The following ADRA1B variants were observed in gnomAD, a reference collection of about 807,000 sequenced individuals.
ADRA1B encodes adrenoceptor alpha 1B.
A neutral mutation model predicts 17.9 loss-of-function variants in ADRA1B; 17 were observed. That is an observed-to-expected ratio of 0.95 (90% CI 0.65 to 1.42). The LOEUF (loss-of-function observed/expected upper bound fraction) is 1.42, where lower values mean the gene tolerates loss of function less well. Among genes scored for constraint, ADRA1B ranks in the 40% most tolerant of loss-of-function variants. The pLI, the probability that ADRA1B is intolerant of heterozygous loss-of-function variation, is 0.00. For missense variants in ADRA1B, 681 were observed against 722.1 expected (o/e 0.94, Z 0.65); for synonymous variants, 366 against 327.6 (o/e 1.12, Z -1.27).
the ADRA1B span, among the ~76,000 whole-genome samples, chr5:159,985,323 G>A: frequency 2.0e-5 from 3 of 152,192 alleles, no homozygotes; most frequent in East Asian, 5.8e-4. Flanking sequence ...TTCTTTATGG[G>A]TTATCTCCTC....
intron 1 of ADRA1B, among the ~76,000 whole-genome samples, chr5:159,920,481 G>A (rs1754449374): frequency 6.6e-6 from 1 of 152,098 alleles, no homozygotes; most frequent in African/African-American, 2.4e-5. Context: ...TTGCCACCTT[G>A]ATGCTATCTT....
At chr5:159,966,315 T>G (rs992920658) in intron 1 of ADRA1B, among the ~76,000 whole-genome samples, 49 of 152,282 alleles carry the variant, frequency 3.2e-4, no homozygotes, top group Non-Finnish European at 6.3e-4. Context: ...GGATCCAGAG[T>G]GCTCATAAGG....
At chr5:159,966,541 A>G (rs78459078) in intron 1 of ADRA1B, among the ~76,000 whole-genome samples, 1,650 of 152,290 alleles carry the variant, frequency 0.011, 37 homozygotes, top group African/African-American at 0.036. Flanking sequence ...TCAGGGTGCA[A>G]AGGAGGACAA....
intron 1 of ADRA1B, among the ~76,000 whole-genome samples, chr5:159,941,792 T>C (rs1001004054): frequency 6.6e-6 from 1 of 152,192 alleles, no homozygotes; most frequent in African/African-American, 2.4e-5. Flanking sequence ...AGTTCACATT[T>C]TGTCATATAA....
At chr5:159,910,811 G>T (rs1754219567) in intron 1 of ADRA1B, among the ~76,000 whole-genome samples, 1 of 152,192 alleles carries the variant, frequency 6.6e-6, no homozygotes, top group Non-Finnish European at 1.5e-5. Flanking sequence ...CTGACTTGTG[G>T]CAGTGCAGCC....
chr5:159,924,123 G>A (rs1199811798), intron 1 of ADRA1B, among the ~76,000 whole-genome samples: 2 of 152,206 alleles, frequency 1.3e-5, no homozygotes, highest in Non-Finnish European at 2.9e-5. Context: ...GGCTTATGAC[G>A]AATCAGAAAG....
chr5:159,937,005 CA>C (rs1379928559), intron 1 of ADRA1B, among the ~76,000 whole-genome samples: 4 of 152,184 alleles, frequency 2.6e-5, no homozygotes, highest in Admixed American at 6.5e-5. Context: ...TTATAGATGA[CA>C]AATCCTAGAT....
At chr5:159,980,076 T>C in the ADRA1B span, among the ~76,000 whole-genome samples, 2 of 151,528 alleles carry the variant, frequency 1.3e-5, no homozygotes, top group Non-Finnish European at 1.5e-5. Flanking sequence ...TTTCATGGGG[T>C]CCACTGGGCA....
chr5:159,887,452 A>G (rs1275867132), intron 1 of ADRA1B, among the ~76,000 whole-genome samples: 1 of 152,224 alleles, frequency 6.6e-6, no homozygotes, highest in Non-Finnish European at 1.5e-5. Context: ...AACTATCCTT[A>G]TTCAAATATC....
chr5:159,930,118 T>C (rs1221333656), intron 1 of ADRA1B, among the ~76,000 whole-genome samples: 2 of 152,260 alleles, frequency 1.3e-5, no homozygotes, highest in Non-Finnish European at 2.9e-5. Flanking sequence ...CCTATTTTAC[T>C]TACCAATTTC....
At chr5:159,889,634 A>G (rs1449269249) in intron 1 of ADRA1B, among the ~76,000 whole-genome samples, 2 of 152,158 alleles carry the variant, frequency 1.3e-5, no homozygotes, top group Non-Finnish European at 2.9e-5. Context: ...GAAGGACCAT[A>G]ATGGGGGTCA....
intron 1 of ADRA1B, chr5:159,868,318 A>C (rs1180901924): frequency 6.6e-6 from 1 of 152,222 alleles, no homozygotes. Context: ...TAAGTTTTAT[A>C]GGAGAGTTAC....
intron 1 of ADRA1B, among the ~76,000 whole-genome samples, chr5:159,882,947 A>G (rs1753878213): frequency 6.6e-6 from 1 of 152,212 alleles, no homozygotes; most frequent in African/African-American, 2.4e-5. Context: ...AATGAAGGCC[A>G]ACCAATCTTC....
At chr5:159,978,597 G>A in the ADRA1B span, among the ~76,000 whole-genome samples, 6 of 152,172 alleles carry the variant, frequency 3.9e-5, no homozygotes, top group Non-Finnish European at 4.4e-5. Flanking sequence ...AAGCTCTGTG[G>A]ATCTGTCACT....
chr5:159,972,490 T>C lies in ADRA1B; in HGVS notation c.1561T>C (p.Ter521GlnextTer?). 2 of 1,209,248 alleles carry C rather than the reference T, an allele frequency of 1.7e-6. No individual in the cohort carries two copies. Among genetic ancestry groups the C allele is most frequent in the Non-Finnish European group, 2.1e-6 (2 of 956,076 alleles). 74.9% of individuals were successfully genotyped at this position (1,209,248 alleles called of 1,614,324 possible). A position where few individuals can be genotyped will look rare whatever the true frequency, so the allele number is the denominator to read the frequency against. The change falls in exon 2 of 2, where the codon TAG becomes CAG. Residue 521 changes from the stop codon to glutamine, a stop_lost. Transcript: ENST00000306675. ...SNMPLAPGQF* is the reference protein window; with the variant it reads ...SNMPLAPGQFQ Reference sequence around the variant, plus strand: ...CATGCCCCTGGCGCCCGGGCAGTTTTAGGGCCCCCGTGCGCAGCTTTCTTT... The same window carrying C: ...CATGCCCCTGGCGCCCGGGCAGTTTCAGGGCCCCCGTGCGCAGCTTTCTTT...
chr5:159,981,621 G>A, the ADRA1B span, among the ~76,000 whole-genome samples: 2 of 152,014 alleles, frequency 1.3e-5, no homozygotes, highest in South Asian at 2.1e-4. Context: ...TCAGCCTCCC[G>A]AATAGCTGGG....
At chr5:159,919,031 A>G (rs955965111) in intron 1 of ADRA1B, among the ~76,000 whole-genome samples, 1 of 152,178 alleles carries the variant, frequency 6.6e-6, no homozygotes, top group South Asian at 2.1e-4. Context: ...AAACAGCTAT[A>G]AATTCTGAAG....
rs1280282654 is a variant in ADRA1B at position 159,962,937 on chromosome 5, T to C, written c.950-8942T>C. On this transcript the variant is annotated intron_variant, in intron 1 of 1. Coordinates refer to ENST00000306675, the MANE Select transcript of ADRA1B (RefSeq NM_000679.4). ...TTTCTTTCTTTTTCTTTTCTTTTCT[T>C]TTTTTTTTTTTTTTTGAAACAACGT... Among the ~76,000 whole-genome samples the C allele has an allele frequency of 2.8e-5, 4 of 140,692 alleles. 1 individual carries two copies. The highest frequency in any genetic ancestry group is 7.1e-5 in the Admixed American group (1 of 14,050). 92.3% of individuals were successfully genotyped at this position (140,692 alleles called of 152,430 possible).
At chr5:159,985,798 G>A in the ADRA1B span, among the ~76,000 whole-genome samples, 4 of 152,330 alleles carry the variant, frequency 2.6e-5, no homozygotes, top group Non-Finnish European at 4.4e-5. Flanking sequence ...TGGTGACAAA[G>A]CCTGATCCTG....
Sources: allele counts gnomAD v4.1 joint callset (sites outside exome capture counted in the v4.1 genomes callset), GRCh38; gene constraint gnomAD v4.1.1; transcripts MANE v1.5; gene names NCBI Gene and HGNC (gene_info 2026-07-23, HGNC 2026-07-21).